Variants in BCAS3 observed in about 807,000 individuals in gnomAD.
The protein encoded by BCAS3 is BCAS3 microtubule associated cell migration factor.
In BCAS3, 53 loss-of-function variants were observed where a neutral mutation model predicts 116.1. That is an observed-to-expected ratio of 0.46 (90% CI 0.37 to 0.57). BCAS3 has a LOEUF of 0.57. Among genes scored for constraint, BCAS3 ranks in the 20% least tolerant of loss-of-function variants. BCAS3 has a pLI of 0.00. For missense variants in BCAS3, 917 were observed against 1,165.4 expected, an observed-to-expected ratio of 0.79 and a Z score of 3.10; for synonymous variants, 391 against 408.2, an observed-to-expected ratio of 0.96 and a Z score of 0.51.
intron 9 of BCAS3, among the ~76,000 whole-genome samples, chr17:60,880,768 G>A (rs182844640): frequency 2.8e-4 from 42 of 152,216 alleles, no homozygotes; most frequent in African/African-American, 3.1e-4. Flanking sequence ...TTTCCCTGAT[G>A]GCTAATGACA....
chr17:61,391,504 G>C lies in BCAS3; in HGVS notation c.2594-473G>C, dbSNP rs1488508134. Reference sequence around the variant, plus strand: ...AAGCCAGGCAGAAGCTCTAGGCACAGGCAGGGCAGGAGAGAGGTGGGGACA... The same window carrying C: ...AAGCCAGGCAGAAGCTCTAGGCACACGCAGGGCAGGAGAGAGGTGGGGACA... On this transcript the variant is annotated intron_variant, in intron 23 of 23. Coordinates refer to ENST00000407086, the MANE Select transcript of BCAS3 (RefSeq NM_017679.5). The surrounding 1 kb of genome is among the most constrained non-coding windows in gnomAD (Gnocchi z 7.7). The C allele has an allele frequency of 6.4e-6, 1 of 155,056 alleles. No homozygotes were observed. The highest frequency in any genetic ancestry group is 2.4e-5 in the African/African-American group (1 of 41,514). 9.6% of individuals were successfully genotyped at this position (155,056 alleles called of 1,614,324 possible).
At position 60,967,748 on chromosome 17, in the gene BCAS3, C is replaced by G. The variant is rs191655392; in HGVS notation, c.1221+20396C>G. Among the ~76,000 whole-genome samples the G allele has an allele frequency of 3.0e-4, 45 of 152,172 alleles. No individual in the cohort carries two copies. The East Asian group carries it at 7.0e-3, about 24-fold the overall frequency. ...GTTCTTTGTCCTTCTCCCACCACCC[C>G]CCACACCCCCAATTGTATTTTCAAA... On this transcript the variant is annotated intron_variant, in intron 14 of 23. Transcript: ENST00000407086. This position sits in a 1 kb window ranked among gnomAD's most constrained non-coding sequence, Gnocchi z 4.7.
chr17:60,706,373 CTT>C (rs995759998), intron 4 of BCAS3, among the ~76,000 whole-genome samples: 21 of 152,056 alleles, frequency 1.4e-4, no homozygotes, highest in African/African-American at 5.1e-4. Flanking sequence ...AGGATGCAGA[CTT>C]TTTTTGATGA....
rs2076371329 is a variant in BCAS3, at chr17:61,132,074, T to C, written c.2425+47510T>C. Among the ~76,000 whole-genome samples, 1 of 152,226 alleles carries C rather than the reference T, an allele frequency of 6.6e-6. No homozygotes were observed. The highest frequency in any genetic ancestry group is 2.1e-4 in the South Asian group (1 of 4,834). On this transcript the variant is annotated intron_variant, in intron 22 of 23. Coordinates refer to ENST00000407086, the MANE Select transcript of BCAS3 (RefSeq NM_017679.5). This position sits in a 1 kb window ranked among gnomAD's most constrained non-coding sequence, Gnocchi z 5.1. ...CTGTCCCCAAAGAAGTTTTTAATGC[T>C]TTGACCTATAACCATTTTAAAATTC...
chr17:61,205,440 T>C lies in BCAS3; in HGVS notation c.2425+120876T>C, dbSNP rs1438912419. ...CATACTTCTAATTCTACAAGAAAGATAGCTGTTGAGAGAGCTAATATCAAG... is the reference window on the plus strand; with the variant it reads ...CATACTTCTAATTCTACAAGAAAGACAGCTGTTGAGAGAGCTAATATCAAG... On this transcript the variant is annotated intron_variant, in intron 22 of 23. Transcript: ENST00000407086. The surrounding 1 kb of genome is among the most constrained non-coding windows in gnomAD (Gnocchi z 5.2). 6.6e-6 allele frequency among the ~76,000 whole-genome samples: 1 copy of C among 152,208 alleles called. No individual in the cohort carries two copies. The highest frequency in any genetic ancestry group is 2.4e-5 in the African/African-American group (1 of 41,460).
chr17:60,865,500 T>C (rs780317243), intron 7 of BCAS3, among the ~76,000 whole-genome samples: 59 of 152,232 alleles, frequency 3.9e-4, no homozygotes, highest in Non-Finnish European at 7.8e-4. Context: ...ATCTTGCATG[T>C]ATTTTGTTAG....
Position 61,362,959 on chromosome 17 carries a change from T to C in BCAS3, c.2426-5368T>C, listed in dbSNP as rs1409259439. 6.6e-6 allele frequency among the ~76,000 whole-genome samples: 1 copy of C among 152,210 alleles called. No individual in the cohort carries two copies. The highest frequency in any genetic ancestry group is 1.5e-5 in the Non-Finnish European group (1 of 68,040). On this transcript the variant is annotated intron_variant, in intron 22 of 23. Coordinates refer to ENST00000407086, the MANE Select transcript of BCAS3 (RefSeq NM_017679.5). This position sits in a 1 kb window ranked among gnomAD's most constrained non-coding sequence, Gnocchi z 4.4. ...GCTCTGGTACCCCACCCAAAGGGTG[T>C]TGACTGCAAACTGACTGTCAAATTT...
intron 22 of BCAS3, among the ~76,000 whole-genome samples, chr17:61,179,648 C>G (rs554987937): frequency 6.6e-6 from 1 of 152,298 alleles, no homozygotes; most frequent in African/African-American, 2.4e-5. Flanking sequence ...TCTCTTGCCT[C>G]TCCCTTCAAG....
At position 61,222,758 on chromosome 17, in the gene BCAS3, G is replaced by A. The variant is rs944392402; in HGVS notation, c.2425+138194G>A. On this transcript the variant is annotated intron_variant, in intron 22 of 23. Transcript: ENST00000407086. The surrounding 1 kb of genome is among the most constrained non-coding windows in gnomAD (Gnocchi z 6.1). ...CATGGCCACTCTGCGACTCCAGGTC[G>A]ATTCGTCTGCCTGTTGGCTTTTTTG... Among the ~76,000 whole-genome samples the A allele has an allele frequency of 1.1e-4, 17 of 152,282 alleles. No individual in the cohort carries two copies. The highest frequency in any genetic ancestry group is 1.4e-4 in the African/African-American group (6 of 41,552).
chr17:60,934,084 G>T (rs934880082), intron 13 of BCAS3, among the ~76,000 whole-genome samples: 1 of 151,436 alleles, frequency 6.6e-6, no homozygotes, highest in African/African-American at 2.4e-5. Context: ...TTAGAACCTC[G>T]CTATAATTTT....
Position 61,300,516 on chromosome 17 carries a change from G to GA in BCAS3, c.2426-67805dup, listed in dbSNP as rs1398263019. On this transcript the variant is annotated intron_variant, in intron 22 of 23. Coordinates refer to ENST00000407086, the MANE Select transcript of BCAS3 (RefSeq NM_017679.5). This position sits in a 1 kb window ranked among gnomAD's most constrained non-coding sequence, Gnocchi z 5.1. ...ACCAGATTTCATTGCAGACTCTTTA[G>GA]AAAAAATGTATGGCATCTTGACGCA... Among the ~76,000 whole-genome samples the GA allele has an allele frequency of 1.3e-5, 2 of 151,936 alleles. No individual in the cohort carries two copies. Among genetic ancestry groups the GA allele is most frequent in the Non-Finnish European group, 1.5e-5 (1 of 67,978 alleles).
At chr17:61,262,919 T>TGACCTCAGGTGATCCACC (rs960689001) in intron 22 of BCAS3, among the ~76,000 whole-genome samples, 21 of 152,044 alleles carry the variant, frequency 1.4e-4, no homozygotes, top group Non-Finnish European at 2.6e-4. Context: ...CTCGAATTCC[T>TGACCTCAGGTGATCCACC]GACCTCAGGT....
intron 22 of BCAS3, among the ~76,000 whole-genome samples, chr17:61,119,227 A>C (rs1390550453): frequency 6.6e-6 from 1 of 152,186 alleles, no homozygotes; most frequent in Non-Finnish European, 1.5e-5. Context: ...TGAATGACTA[A>C]AACCTAACAA....
rs138535223 is a variant in BCAS3, at chr17:61,031,996, G to A, written c.1638-2670G>A. Among the ~76,000 whole-genome samples, 40 of 152,152 alleles carry A rather than the reference G, an allele frequency of 2.6e-4. 1 individual carries two copies. The East Asian group carries it at 7.5e-3, about 29-fold the overall frequency. On this transcript the variant is annotated intron_variant, in intron 16 of 23. Transcript: ENST00000407086. ...ACTTATAGATGTATAAGAGATTTTAGCTTTTGACATGAGCTGATTAGACTC... is the reference window on the plus strand; with the variant it reads ...ACTTATAGATGTATAAGAGATTTTAACTTTTGACATGAGCTGATTAGACTC...
chr17:60,950,102 T>C (rs1426317111), intron 14 of BCAS3, among the ~76,000 whole-genome samples: 1 of 152,060 alleles, frequency 6.6e-6, no homozygotes, highest in Non-Finnish European at 1.5e-5. Context: ...TGTGAGATTT[T>C]TACATTTGAC....
intron 7 of BCAS3, among the ~76,000 whole-genome samples, chr17:60,828,897 T>C (rs2144714619): frequency 6.6e-6 from 1 of 152,278 alleles, no homozygotes; most frequent in Middle Eastern, 3.4e-3. Flanking sequence ...TGGCAGTGTC[T>C]GGGGGACATT....
chr17:60,827,045 A>G (rs1412008129), intron 7 of BCAS3, among the ~76,000 whole-genome samples: 1 of 152,226 alleles, frequency 6.6e-6, no homozygotes, highest in Non-Finnish European at 1.5e-5. Flanking sequence ...TCCTGAATCC[A>G]TGGATGAAAA....
chr17:61,237,513 C>A (rs182394498), intron 22 of BCAS3, among the ~76,000 whole-genome samples: 114 of 152,352 alleles, frequency 7.5e-4, no homozygotes, highest in African/African-American at 2.5e-3. Flanking sequence ...TTTTGCTCTT[C>A]ACAATAAATC....
Position 61,074,926 on chromosome 17 carries a change from C to T in BCAS3, c.2036C>T (p.Pro679Leu), listed in dbSNP as rs755510848. 1.9e-6 allele frequency: 3 copies of T among 1,609,902 alleles called. No homozygotes were observed. Among genetic ancestry groups the T allele is most frequent in the Admixed American group, 3.3e-5 (2 of 59,834 alleles). ...TATTTTCTTTCTCCTATAGTGGTTC[C>T]CCCTGGAAGTCCTGGGCCCATTACT... ...YYQFLLAGLV[P>L]PGSPGPITRH... The change falls in exon 20 of 24, where the codon CCC becomes CTC. Residue 679 changes from proline to leucine, a missense_variant. Pro to Leu is a moderately conservative substitution (Grantham distance 98, BLOSUM62 -3). Transcript: ENST00000407086.
Sources: gnomAD v4.1 joint callset for allele counts (sites outside exome capture counted in the v4.1 genomes callset) on GRCh38, gnomAD v4.1.1 for gene constraint, Gnocchi (gnomAD v3.1) non-coding constraint, MANE v1.5 for transcripts, NCBI Gene and HGNC (gene_info 2026-07-23, HGNC 2026-07-21) for gene names.